Variants in BPTF observed in about 807,000 individuals in gnomAD.
BPTF encodes the protein nucleosome-remodeling factor subunit BPTF.
BPTF carries 18 observed loss-of-function variants against 292.5 expected under a neutral mutation model. That is an observed-to-expected ratio of 0.06 (90% confidence interval 0.04 to 0.09). The LOEUF (loss-of-function observed/expected upper bound fraction) is 0.09, where lower values mean the gene tolerates loss of function less well. Among genes scored for constraint, BPTF ranks in the 10% least tolerant of loss-of-function variants. The pLI, the probability that BPTF is intolerant of heterozygous loss-of-function variation, is 1.00. For synonymous variants in BPTF, 1,225 were observed against 1,251.9 expected (o/e 0.98, Z 0.45); for missense variants, 2,726 against 3,498.7 (o/e 0.78, Z 5.57).
intron 4 of BPTF, among the ~76,000 whole-genome samples, chr17:67,880,647 G>A (rs1418674451): frequency 1.3e-5 from 2 of 151,888 alleles, no homozygotes; most frequent in African/African-American, 4.8e-5. Context: ...GGTTTTTTGT[G>A]TGTGTGTAAG....
At chr17:67,850,874 G>T (rs1384359352) in intron 1 of BPTF, among the ~76,000 whole-genome samples, 1 of 152,194 alleles carries the variant, frequency 6.6e-6, no homozygotes, top group Non-Finnish European at 1.5e-5. Flanking sequence ...TGGGAAACAT[G>T]CTAGGGGAGA....
intron 1 of BPTF, among the ~76,000 whole-genome samples, chr17:67,834,386 A>G (rs539664084): frequency 6.6e-6 from 1 of 152,276 alleles, no homozygotes; most frequent in African/African-American, 2.4e-5. Flanking sequence ...AGAATTTTGT[A>G]TTCTGCTCTT....
intron 24 of BPTF, among the ~76,000 whole-genome samples, chr17:67,962,828 G>A (rs566597278): frequency 2.3e-4 from 35 of 152,306 alleles, no homozygotes; most frequent in African/African-American, 7.2e-4. Flanking sequence ...TGACCTGCAT[G>A]TTCCTTGTAG....
intron 1 of BPTF, among the ~76,000 whole-genome samples, chr17:67,832,699 G>C (rs117937325): frequency 6.6e-6 from 1 of 150,958 alleles, no homozygotes; most frequent in Non-Finnish European, 1.5e-5. Flanking sequence ...AGCCCGCACC[G>C]TCAGCATCAC....
intron 24 of BPTF, among the ~76,000 whole-genome samples, chr17:67,961,762 T>C (rs1376438130): frequency 1.3e-5 from 2 of 151,578 alleles, no homozygotes; most frequent in Non-Finnish European, 2.9e-5. Context: ...TCACCTGAGG[T>C]CAGGAGTTCG....
intron 9 of BPTF, among the ~76,000 whole-genome samples, chr17:67,906,851 T>C (rs1443189834): frequency 6.6e-6 from 1 of 152,224 alleles, no homozygotes; most frequent in Non-Finnish European, 1.5e-5. Context: ...TATACCTTGC[T>C]AGGTCCTTGG....
intron 24 of BPTF, among the ~76,000 whole-genome samples, chr17:67,962,938 G>A (rs1292482510): frequency 6.6e-6 from 1 of 152,138 alleles, no homozygotes; most frequent in Non-Finnish European, 1.5e-5. Flanking sequence ...ATATTGAAAT[G>A]GCTTCTGTGG....
At chr17:67,835,566 G>A (rs2057058316) in intron 1 of BPTF, among the ~76,000 whole-genome samples, 1 of 152,172 alleles carries the variant, frequency 6.6e-6, no homozygotes, top group South Asian at 2.1e-4. Flanking sequence ...TAAGATTTGG[G>A]GTCATGTGTG....
At chr17:67,919,009 A>G (rs527966169) in intron 12 of BPTF, among the ~76,000 whole-genome samples, 171 bp downstream of exon 12, 89 of 151,348 alleles carry the variant, frequency 5.9e-4, no homozygotes, top group African/African-American at 2.0e-3. Context: ...CGTCTCTACT[A>G]AAAATACAAA....
At chr17:67,977,591 C>G (rs1421930285) in intron 27 of BPTF, 1 of 151,764 alleles carries the variant, frequency 6.6e-6, no homozygotes, top group East Asian at 2.0e-4. Context: ...TTCCTGTAAT[C>G]CCAGCACTTT....
intron 23 of BPTF, among the ~76,000 whole-genome samples, chr17:67,954,051 A>G (rs1307260747): frequency 7.6e-6 from 1 of 130,802 alleles, no homozygotes; most frequent in African/African-American, 3.0e-5. Context: ...CAGCGGTGCA[A>G]TCACAGCACA....
At position 67,922,208 on chromosome 17, in the gene BPTF, A is replaced by G. The variant is rs543440575; in HGVS notation, c.5558-632A>G. 3.9e-5 allele frequency among the ~76,000 whole-genome samples: 6 copies of G among 152,248 alleles called. No homozygotes were observed. The East Asian group carries it at 5.8e-4, about 15-fold the overall frequency. On this transcript the variant is annotated intron_variant, in intron 13 of 27. Transcript: ENST00000306378. ...TCTTTGGCTTGTATCCCTTTGTACA[A>G]TTCAGGTCCTGCTTTCATTTCTGTT...
chr17:67,950,737 G>A (rs1167573748), intron 23 of BPTF: 1 of 151,898 alleles, frequency 6.6e-6, no homozygotes, highest in Admixed American at 6.6e-5. Context: ...CTACTTGGGA[G>A]GCTGAGGCAG....
intron 4 of BPTF, among the ~76,000 whole-genome samples, chr17:67,889,727 G>C (rs1192651647): frequency 2.0e-5 from 3 of 152,180 alleles, no homozygotes; most frequent in Non-Finnish European, 4.4e-5. Context: ...AGAATCGCTT[G>C]AACCCAGGAG....
chr17:67,902,446 A>G (rs1423409379), intron 7 of BPTF, among the ~76,000 whole-genome samples: 2 of 152,188 alleles, frequency 1.3e-5, no homozygotes, highest in Non-Finnish European at 2.9e-5. Context: ...TATTGTGCCT[A>G]CAGAGCTAGT....
At chr17:67,929,206 C>A in intron 16 of BPTF, 130 bp from the exon 17 acceptor site, 1 of 1,434,092 alleles carries the variant, frequency 7.0e-7, no homozygotes, top group East Asian at 2.4e-5. Flanking sequence ...GATTTCAGTC[C>A]TCGGATCTCA....
At position 67,982,676 on chromosome 17, in the gene BPTF, T is replaced by C. The variant is rs1415709604; in HGVS notation, c.*388T>C. ...GAGTCTCACAGAAAACTTTTGACTG[T>C]ATTTATTTATTGTTGCAAAAAAGAC... On this transcript the variant is annotated 3_prime_UTR_variant, in exon 28 of 28. Transcript: ENST00000306378. The C allele has an allele frequency of 6.1e-6, 1 of 163,152 alleles. No homozygotes were observed. The highest frequency in any genetic ancestry group is 2.4e-5 in the African/African-American group (1 of 41,930). The allele number at this position is 163,152 out of a possible 1,614,324, so 10.1% of individuals were successfully genotyped here. A position where few individuals can be genotyped will look rare whatever the true frequency, so the allele number is the denominator to read the frequency against.
At chr17:67,934,186 T>TA (rs1309402405) in intron 18 of BPTF, among the ~76,000 whole-genome samples, 1 of 152,094 alleles carries the variant, frequency 6.6e-6, no homozygotes, top group Non-Finnish European at 1.5e-5. Flanking sequence ...AAATTAATAT[T>TA]AAAATACTAT....
intron 21 of BPTF, 105 bp from the exon 22 acceptor site, chr17:67,947,621 T>C: frequency 1.2e-6 from 1 of 857,784 alleles, no homozygotes; most frequent in Non-Finnish European, 1.7e-6. Context: ...TTCTTACAGT[T>C]TCTTTAAAAA....
Sources: allele counts gnomAD v4.1 joint callset (sites outside exome capture counted in the v4.1 genomes callset), GRCh38; gene constraint gnomAD v4.1.1; transcripts MANE v1.5; gene names NCBI Gene and HGNC (gene_info 2026-07-23, HGNC 2026-07-21).